The following ZHX2 variants were observed in gnomAD, a reference collection of about 807,000 sequenced individuals.
ZHX2 encodes zinc fingers and homeoboxes 2.
In ZHX2, 6 loss-of-function variants were observed where a neutral mutation model predicts 21.9. That is an observed-to-expected ratio of 0.27 (90% CI 0.15 to 0.54). The LOEUF is 0.54. ZHX2 is among the 20% of genes least tolerant of loss of function. The pLI is 0.95. For synonymous variants in ZHX2, 434 were observed against 437.1 expected, an observed-to-expected ratio of 0.99 and a Z score of 0.09; for missense variants, 908 against 1,090.7, an observed-to-expected ratio of 0.83 and a Z score of 2.36.
At chr8:122,870,500 G>A (rs148289470) in intron 2 of ZHX2, among the ~76,000 whole-genome samples, 21 of 151,790 alleles carry the variant, frequency 1.4e-4, no homozygotes, top group South Asian at 1.0e-3. Context: ...ATAGCTGGGC[G>A]TAGTGACAGG....
At chr8:122,793,085 G>T (rs566072191) in intron 1 of ZHX2, among the ~76,000 whole-genome samples, 42 of 152,284 alleles carry the variant, frequency 2.8e-4, no homozygotes, top group African/African-American at 9.1e-4. Context: ...AGCCTGAATC[G>T]CTGCTCACAG....
intron 2 of ZHX2, among the ~76,000 whole-genome samples, chr8:122,928,166 A>G (rs1563588193): frequency 6.6e-6 from 1 of 151,610 alleles, no homozygotes; most frequent in Non-Finnish European, 1.5e-5. Flanking sequence ...TATCTCCCCC[A>G]CTCCCACCAG....
chr8:122,938,760 C>G (rs547776386), intron 2 of ZHX2, among the ~76,000 whole-genome samples: 1 of 151,952 alleles, frequency 6.6e-6, no homozygotes, highest in African/African-American at 2.4e-5. Context: ...ATTGCTTGAG[C>G]CGAGGAGGCC....
intron 1 of ZHX2, among the ~76,000 whole-genome samples, chr8:122,854,581 C>T (rs1438158492): frequency 1.3e-5 from 2 of 152,216 alleles, no homozygotes; most frequent in African/African-American, 4.8e-5. Context: ...GTGCTCCTCA[C>T]CTGTGGGACA....
At chr8:122,890,554 G>A (rs1422637225) in intron 2 of ZHX2, among the ~76,000 whole-genome samples, 1 of 152,060 alleles carries the variant, frequency 6.6e-6, no homozygotes, top group Non-Finnish European at 1.5e-5. Flanking sequence ...ATATAGTATG[G>A]TCATTTTAAC....
chr8:122,891,116 T>C (rs59794858), intron 2 of ZHX2, among the ~76,000 whole-genome samples: 5,470 of 152,196 alleles, frequency 0.036, 321 homozygotes, highest in African/African-American at 0.13. Flanking sequence ...TTGAGAAGAA[T>C]TGGTGTTAGT....
At chr8:122,802,727 G>T (rs1022644040) in intron 1 of ZHX2, among the ~76,000 whole-genome samples, 7 of 152,228 alleles carry the variant, frequency 4.6e-5, no homozygotes, top group African/African-American at 7.2e-5. Context: ...CAGGGCAGGA[G>T]ATGTGTTCTG....
chr8:122,960,271 G>T (rs370271771), intron 3 of ZHX2, among the ~76,000 whole-genome samples: 6 of 152,132 alleles, frequency 3.9e-5, no homozygotes, highest in East Asian at 3.9e-4. Flanking sequence ...AGGCACAGTG[G>T]CTCATACCTG....
intron 2 of ZHX2, among the ~76,000 whole-genome samples, chr8:122,913,144 C>A (rs975765743): frequency 6.6e-6 from 1 of 152,172 alleles, no homozygotes; most frequent in African/African-American, 2.4e-5. Context: ...TCATGACTGG[C>A]TTATTTCACT....
chr8:122,926,198 G>T (rs545533238), intron 2 of ZHX2, among the ~76,000 whole-genome samples: 124 of 152,264 alleles, frequency 8.1e-4, no homozygotes, highest in African/African-American at 2.9e-3. Flanking sequence ...TACCTACAGA[G>T]AAACTGTCTT....
chr8:122,803,708 T>C (rs1817763144), intron 1 of ZHX2, among the ~76,000 whole-genome samples: 1 of 152,222 alleles, frequency 6.6e-6, no homozygotes, highest in Non-Finnish European at 1.5e-5. Flanking sequence ...ACAGCCTTCT[T>C]CACTCTCTGA....
chr8:122,783,722 A>C lies in ZHX2; in HGVS notation c.-283+1776A>C, dbSNP rs535767266. 2.8e-4 allele frequency among the ~76,000 whole-genome samples: 43 copies of C among 152,340 alleles called. No individual in the cohort carries two copies. In the South Asian group the frequency reaches 5.0e-3, roughly 18 times the overall value. On this transcript the variant is annotated intron_variant, in intron 1 of 3. Coordinates refer to ENST00000314393, the MANE Select transcript of ZHX2 (RefSeq NM_014943.5). The stretch of plus-strand genomic sequence containing the variant: ...TTGTAAAATGGCATGTTTAATAGTA[A>C]AAATAGATTAATGGAGCTGTCAAGT...
At chr8:122,827,448 G>A (rs1001812579) in intron 1 of ZHX2, among the ~76,000 whole-genome samples, 10 of 152,180 alleles carry the variant, frequency 6.6e-5, no homozygotes, top group African/African-American at 2.4e-4. Context: ...GCCAAGCACT[G>A]TGCCAAGTGC....
intron 2 of ZHX2, among the ~76,000 whole-genome samples, chr8:122,899,594 C>T (rs1820179070): frequency 6.6e-6 from 1 of 152,158 alleles, no homozygotes; most frequent in South Asian, 2.1e-4. Context: ...CAGATCTTTA[C>T]CCCAAAGAGA....
At chr8:122,839,840 G>A (rs1250789971) in intron 1 of ZHX2, among the ~76,000 whole-genome samples, 3 of 152,312 alleles carry the variant, frequency 2.0e-5, no homozygotes, top group Non-Finnish European at 1.5e-5. Flanking sequence ...GATAATTAAT[G>A]TATGAGAGAC....
At chr8:122,788,456 A>G (rs1817445706) in intron 1 of ZHX2, among the ~76,000 whole-genome samples, 1 of 152,116 alleles carries the variant, frequency 6.6e-6, no homozygotes, top group South Asian at 2.1e-4. Flanking sequence ...AGTCCCAGCT[A>G]CTTGGGAGGC....
At chr8:122,830,365 C>T (rs1298231207) in intron 1 of ZHX2, among the ~76,000 whole-genome samples, 1 of 152,164 alleles carries the variant, frequency 6.6e-6, no homozygotes, top group Non-Finnish European at 1.5e-5. Context: ...AGTAGCCTTG[C>T]ACCTTGGGAC....
intron 2 of ZHX2, among the ~76,000 whole-genome samples, chr8:122,929,454 C>T (rs1272537275): frequency 6.6e-6 from 1 of 152,088 alleles, no homozygotes; most frequent in Non-Finnish European, 1.5e-5. Context: ...ACCTGGCTGA[C>T]CAACATGGTA....
intron 3 of ZHX2, among the ~76,000 whole-genome samples, chr8:122,965,974 CCCACTTTTGGTTT>C (rs1212861063): frequency 6.6e-6 from 1 of 152,176 alleles, no homozygotes; most frequent in Non-Finnish European, 1.5e-5. Context: ...GCTAGTCCTG[CCCACTTTTGGTTT>C]CCATTTGCAT....
Sources: allele counts gnomAD v4.1 joint callset (sites outside exome capture counted in the v4.1 genomes callset), GRCh38; gene constraint gnomAD v4.1.1; transcripts MANE v1.5; gene names NCBI Gene and HGNC (gene_info 2026-07-23, HGNC 2026-07-21).